SMARCA1: variants seen among roughly 807,000 people sequenced by gnomAD.
SMARCA1 encodes the protein SNF2 related chromatin remodeling ATPase 1, also known as SWI/SNF-related matrix-associated actin-dependent regulator of chromatin subfamily A member 1.
A neutral mutation model predicts 93.6 loss-of-function variants in SMARCA1; 17 were observed. The ratio of observed to expected loss-of-function variants is 0.18; its 90% CI spans 0.12 to 0.27. The LOEUF (loss-of-function observed/expected upper bound fraction) is 0.27. Ranked by LOEUF, SMARCA1 falls within the 10% of genes least tolerant of loss-of-function variation. The pLI, the probability that SMARCA1 is intolerant of heterozygous loss-of-function variation, is 1.00. For missense variants in SMARCA1, 630 were observed against 819.0 expected, an observed-to-expected ratio of 0.77 and a Z score of 2.82; for synonymous variants, 271 against 271.4, an observed-to-expected ratio of 1.00 and a Z score of 0.01.
At chrX:129,479,630 T>C (rs1933548916) in intron 19 of SMARCA1, among the ~76,000 whole-genome samples, 1 of 110,547 alleles carries the variant, frequency 9.0e-6, no homozygotes, top group African/African-American at 3.3e-5. Context: ...AACAGAACAC[T>C]TCATAAAATT....
rs1160520444 is a variant in SMARCA1, at chrX:129,447,115, G to T, written c.*47C>A. On this transcript the variant is annotated 3_prime_UTR_variant, in exon 25 of 25. Transcript: ENST00000371121. ...AACTGGCAATTAGCATTTGAAGATG[G>T]GAACAAGAAAATAGCAGTTTCCCAT... 17 of 1,049,932 alleles carry T rather than the reference G, an allele frequency of 1.6e-5. No individual in the cohort carries two copies. Among genetic ancestry groups the T allele is most frequent in the Non-Finnish European group, 2.2e-5 (17 of 784,047 alleles). The allele number at this position is 1,049,932 out of a possible 1,213,427, so 86.5% of individuals were successfully genotyped here. A position where few individuals can be genotyped will look rare whatever the true frequency, so the allele number is the denominator to read the frequency against.
rs775602937 is a variant in SMARCA1 at position 129,472,424 on chromosome X, A to C, written c.2443-1098T>G. On this transcript the variant is annotated intron_variant, in intron 19 of 24. Coordinates refer to ENST00000371121, the MANE Select transcript of SMARCA1 (RefSeq NM_001282874.2). Reference sequence around the variant, plus strand: ...ACCCTGTAATTATAATACACATTAGAGTGCATTTTTCTCATTGTTATATGT... The same window carrying C: ...ACCCTGTAATTATAATACACATTAGCGTGCATTTTTCTCATTGTTATATGT... Among the ~76,000 whole-genome samples, 42 of 111,461 alleles carry C rather than the reference A, an allele frequency of 3.8e-4. 1 individual carries two copies. The Admixed American group carries it at 3.9e-3, about 10-fold the overall frequency.
intron 12 of SMARCA1, among the ~76,000 whole-genome samples, chrX:129,494,502 G>C (rs1375387080): frequency 1.8e-5 from 2 of 111,557 alleles, no homozygotes; most frequent in Non-Finnish European, 3.8e-5. Flanking sequence ...TGCTTGCTGT[G>C]AACACTATGC....
At chrX:129,472,665 G>T (rs1427892463) in intron 19 of SMARCA1, among the ~76,000 whole-genome samples, 1 of 111,623 alleles carries the variant, frequency 9.0e-6, no homozygotes, top group Non-Finnish European at 1.9e-5. Flanking sequence ...AGTATTGATT[G>T]GAATATAAGC....
chrX:129,456,181 C>T (rs982310988), intron 23 of SMARCA1, among the ~76,000 whole-genome samples: 10 of 111,494 alleles, frequency 9.0e-5, no homozygotes, highest in African/African-American at 2.9e-4. Flanking sequence ...TATGCTAAAT[C>T]CACTCTACCT....
chrX:129,465,371 C>CGT (rs2124194152), intron 23 of SMARCA1, 149 bp downstream of exon 23: 1 of 386,660 alleles, frequency 2.6e-6, no homozygotes, highest in Admixed American at 4.7e-5. Context: ...ATAGGTGCTA[C>CGT]GTATGTATAC....
At chrX:129,504,549 TAAAAAAAAAAAAA>T (rs780225300) in intron 9 of SMARCA1, among the ~76,000 whole-genome samples, 172 bp downstream of exon 9, 184 of 24,186 alleles carry the variant, frequency 7.6e-3, no homozygotes, top group Non-Finnish European at 8.8e-3. Flanking sequence ...CATAGAGGAA[TAAAAAAAAAAAAA>T]AAAAAAAAAA....
At chrX:129,458,583 A>G (rs1475084579) in intron 23 of SMARCA1, among the ~76,000 whole-genome samples, 1 of 112,146 alleles carries the variant, frequency 8.9e-6, no homozygotes, top group Non-Finnish European at 1.9e-5. Context: ...TTGCTCCAAT[A>G]CTCAGCTTCA....
At chrX:129,456,265 C>T (rs1932618239) in intron 23 of SMARCA1, among the ~76,000 whole-genome samples, 1 of 111,227 alleles carries the variant, frequency 9.0e-6, no homozygotes, top group South Asian at 3.8e-4. Context: ...TACTTTAAGC[C>T]CATGTTGAGA....
At chrX:129,500,399 C>A (rs1160737117) in intron 9 of SMARCA1, among the ~76,000 whole-genome samples, 1 of 112,343 alleles carries the variant, frequency 8.9e-6, no homozygotes, top group East Asian at 2.8e-4. Flanking sequence ...AACTCCTGAC[C>A]CCGTGATCCA....
intron 20 of SMARCA1, 84 bp from the exon 21 acceptor site, chrX:129,468,989 C>T: frequency 1.8e-6 from 1 of 544,536 alleles, no homozygotes; most frequent in Admixed American, 4.5e-5. Context: ...TACAATGATA[C>T]ATTAAAAAAC....
chrX:129,518,577 G>T (rs1245194697), intron 1 of SMARCA1, 130 bp from the exon 2 acceptor site: 1 of 382,888 alleles, frequency 2.6e-6, no homozygotes, highest in Non-Finnish European at 4.6e-6. Context: ...GGACATGTAT[G>T]GACCAATGAT....
At position 129,516,435 on chromosome X, in the gene SMARCA1, G is replaced by A. The variant is rs1325705752; in HGVS notation, c.324C>T (p.Phe108=). 4 of 1,207,661 alleles carry A rather than the reference G, an allele frequency of 3.3e-6. No individual in the cohort carries two copies. Among genetic ancestry groups the A allele is most frequent in the Non-Finnish European group, 3.4e-6 (3 of 893,359 alleles). ...GAGATTTCTGTGCTGAAGGCTGAATGAAATGTGCAAAAAGTTCTGTCTGCT... is the reference window on the plus strand; with the variant it reads ...GAGATTTCTGTGCTGAAGGCTGAATAAAATGTGCAAAAAGTTCTGTCTGCT... The part of the protein sequence containing the change: ...LLKQTELFAH[F]IQPSAQKSPT... The change falls in exon 3 of 25, where the codon TTC becomes TTT. Residue 108 remains phenylalanine, a synonymous_variant. Coordinates refer to ENST00000371121, the MANE Select transcript of SMARCA1 (RefSeq NM_001282874.2).
chrX:129,464,743 G>A (rs1055048155), intron 23 of SMARCA1, among the ~76,000 whole-genome samples: 4 of 112,179 alleles, frequency 3.6e-5, no homozygotes, highest in Non-Finnish European at 7.5e-5. Flanking sequence ...GGAGAGCTCT[G>A]AAGATCATCA....
Position 129,478,757 on chromosome X carries a change from T to C in SMARCA1, c.2442+1944A>G, listed in dbSNP as rs550030571. Among the ~76,000 whole-genome samples the C allele has an allele frequency of 5.0e-4, 56 of 112,386 alleles. No individual in the cohort carries two copies. The South Asian group carries it at 0.02, about 41-fold the overall frequency. On this transcript the variant is annotated intron_variant, in intron 19 of 24. Coordinates refer to ENST00000371121, the MANE Select transcript of SMARCA1 (RefSeq NM_001282874.2). ...TCTCCAAAGAAGGAGCATAAAGTTA[T>C]ATCAGAGATGATTTTTTTAATTGTT...
At chrX:129,449,029 A>G (rs143821608) in intron 23 of SMARCA1, among the ~76,000 whole-genome samples, 1,267 of 110,810 alleles carry the variant, frequency 0.011, 16 homozygotes, top group African/African-American at 0.04. Flanking sequence ...AACAAGCTCT[A>G]TAGATTACAC....
At chrX:129,509,188 CA>C (rs10706195) in intron 6 of SMARCA1, among the ~76,000 whole-genome samples, 11,089 of 69,432 alleles carry the variant, frequency 0.16, 629 homozygotes, top group East Asian at 0.39. Flanking sequence ...GAGTCCGTCT[CA>C]AAAAAAAAAA....
chrX:129,464,264 T>C (rs1004323326), intron 23 of SMARCA1, among the ~76,000 whole-genome samples: 1 of 112,700 alleles, frequency 8.9e-6, no homozygotes, highest in Admixed American at 9.4e-5. Flanking sequence ...AAGCAAAATA[T>C]TAAGCATTGT....
chrX:129,453,748 C>A (rs183686847), intron 23 of SMARCA1, among the ~76,000 whole-genome samples: 1 of 111,444 alleles, frequency 9.0e-6, no homozygotes, highest in East Asian at 2.8e-4. Context: ...TGTGAAGGAC[C>A]TCTTCAAGAA....
Sources: gnomAD v4.1 joint callset for allele counts (sites outside exome capture counted in the v4.1 genomes callset) on GRCh38, gnomAD v4.1.1 for gene constraint, MANE v1.5 for transcripts, NCBI Gene and HGNC (gene_info 2026-07-23, HGNC 2026-07-21) for gene names.